Variants in CNST observed in about 807,000 individuals in gnomAD.
CNST encodes the protein consortin.
CNST carries 39 observed loss-of-function variants against 72.4 expected under a neutral mutation model. That is an observed-to-expected ratio of 0.54 (90% CI 0.42 to 0.70). CNST has a LOEUF of 0.70. Among genes scored for constraint, CNST ranks in the 30% least tolerant of loss-of-function variants. The probability of loss-of-function intolerance (pLI) is 0.00; values close to 1 mark genes in which losing one functional copy is unlikely to be tolerated. For missense variants in CNST, 871 were observed against 868.5 expected (o/e 1.00, Z -0.04); for synonymous variants, 332 against 320.1 (o/e 1.04, Z -0.40).
intron 3 of CNST, among the ~76,000 whole-genome samples, chr1:246,629,643 G>T (rs534003463): frequency 6.6e-6 from 1 of 152,288 alleles, no homozygotes; most frequent in East Asian, 1.9e-4. Context: ...ATTTTAATGG[G>T]CAACCTGAAA....
intron 2 of CNST, 129 bp from the exon 3 acceptor site, chr1:246,621,300 A>G (rs1664071834): frequency 1.4e-6 from 1 of 710,706 alleles, no homozygotes; most frequent in Admixed American, 2.1e-5. Context: ...TGATAAACAC[A>G]TTTACCTTCC....
chr1:246,616,880 TG>T (rs1311040541), intron 2 of CNST, among the ~76,000 whole-genome samples: 3 of 151,924 alleles, frequency 2.0e-5, no homozygotes, highest in Non-Finnish European at 4.4e-5. Context: ...AGCAAAACTT[TG>T]TAAGACTCAT....
At chr1:246,619,409 G>C (rs1326663358) in intron 2 of CNST, among the ~76,000 whole-genome samples, 1 of 152,214 alleles carries the variant, frequency 6.6e-6, no homozygotes, top group Non-Finnish European at 1.5e-5. Context: ...ATCACTGTAG[G>C]TGATTTTTTA....
chr1:246,608,238 A>G (rs1027200085), intron 2 of CNST: 3 of 152,196 alleles, frequency 2.0e-5, no homozygotes, highest in African/African-American at 4.8e-5. Context: ...CCATTGACTC[A>G]AGAGGCTGAG....
At chr1:246,610,586 T>A (rs1045091969) in intron 2 of CNST, among the ~76,000 whole-genome samples, 1 of 152,328 alleles carries the variant, frequency 6.6e-6, no homozygotes, top group African/African-American at 2.4e-5. Context: ...GTGGTAACTC[T>A]GGAAATTAGG....
chr1:246,583,029 CTG>C, intron 1 of CNST, among the ~76,000 whole-genome samples: 1 of 152,298 alleles, frequency 6.6e-6, no homozygotes, highest in South Asian at 2.1e-4. Context: ...TGGATTTCAT[CTG>C]TGTTTCTTGG....
chr1:246,602,380 T>A (rs1381589831), intron 2 of CNST, among the ~76,000 whole-genome samples: 1 of 152,184 alleles, frequency 6.6e-6, no homozygotes, highest in Non-Finnish European at 1.5e-5. Context: ...AGTCAAGGGT[T>A]GGCCAGGGCT....
At chr1:246,649,375 G>C (rs544877508) in intron 9 of CNST, among the ~76,000 whole-genome samples, 74 of 152,186 alleles carry the variant, frequency 4.9e-4, no homozygotes, top group African/African-American at 1.7e-3. Context: ...GTTAAAAATA[G>C]TTTTTTAAAA....
intron 2 of CNST, among the ~76,000 whole-genome samples, chr1:246,596,151 C>T (rs530402195): frequency 1.3e-5 from 2 of 152,188 alleles, no homozygotes; most frequent in East Asian, 3.9e-4. Context: ...TGCACTGGCT[C>T]ATGCCTATAA....
chr1:246,594,793 G>A (rs1180802125), intron 2 of CNST, among the ~76,000 whole-genome samples: 2 of 152,118 alleles, frequency 1.3e-5, no homozygotes, highest in Non-Finnish European at 2.9e-5. Context: ...ACAGAATGAG[G>A]AGTTATAAAA....
At chr1:246,604,506 G>A (rs1288098098) in intron 2 of CNST, among the ~76,000 whole-genome samples, 1 of 152,062 alleles carries the variant, frequency 6.6e-6, no homozygotes, top group Non-Finnish European at 1.5e-5. Flanking sequence ...ATTGCAAAGA[G>A]AATCTCTGAT....
chr1:246,634,956 C>CGTGTCTTCTGGCCGGGGTAG (rs1553381626), intron 6 of CNST, among the ~76,000 whole-genome samples: 48 of 115,980 alleles, frequency 4.1e-4, no homozygotes, highest in African/African-American at 1.3e-3. Flanking sequence ...CTCGGTGGTG[C>CGTGTCTTCTGGCCGGGGTAG]GTGTCTTCCG....
intron 8 of CNST, 97 bp from the exon 9 acceptor site, chr1:246,647,042 A>G: frequency 1.8e-6 from 2 of 1,104,458 alleles, no homozygotes; most frequent in Non-Finnish European, 2.6e-6. Context: ...AAGGGTTAGA[A>G]TATTGCTGTA....
intron 9 of CNST, among the ~76,000 whole-genome samples, chr1:246,658,614 C>T (rs532889858): frequency 8.5e-5 from 13 of 152,224 alleles, no homozygotes; most frequent in South Asian, 6.2e-4. Context: ...AGCGCATTAT[C>T]GAAGATGGCT....
At chr1:246,595,163 G>C (rs899244690) in intron 2 of CNST, among the ~76,000 whole-genome samples, 1 of 152,132 alleles carries the variant, frequency 6.6e-6, no homozygotes, top group African/African-American at 2.4e-5. Context: ...TTTGAGATGG[G>C]GGACCCTTAA....
chr1:246,588,066 A>G (rs897625490), intron 1 of CNST, among the ~76,000 whole-genome samples: 12 of 152,018 alleles, frequency 7.9e-5, no homozygotes, highest in Admixed American at 7.2e-4. Context: ...TGCCTACCTT[A>G]TAGCATAAAT....
chr1:246,614,512 ATTTTTTTT>A (rs147741779), intron 2 of CNST, among the ~76,000 whole-genome samples: 1 of 141,416 alleles, frequency 7.1e-6, no homozygotes, highest in Non-Finnish European at 1.6e-5. Flanking sequence ...ACTGCAATAA[ATTTTTTTT>A]TTTTTTTTTG....
chr1:246,610,311 C>T (rs1663224981), intron 2 of CNST, among the ~76,000 whole-genome samples: 1 of 152,066 alleles, frequency 6.6e-6, no homozygotes, highest in Non-Finnish European at 1.5e-5. Flanking sequence ...AAAACCTCCC[C>T]ATTCTTTTTT....
At chr1:246,638,110 G>A (rs1490794625) in intron 6 of CNST, among the ~76,000 whole-genome samples, 1 of 152,196 alleles carries the variant, frequency 6.6e-6, no homozygotes, top group Admixed American at 6.5e-5. Context: ...TGCAAGAGAG[G>A]TTTGTAGCCG....
Sources: allele counts gnomAD v4.1 joint callset (sites outside exome capture counted in the v4.1 genomes callset), GRCh38; gene constraint gnomAD v4.1.1; transcripts MANE v1.5; gene names NCBI Gene and HGNC (gene_info 2026-07-23, HGNC 2026-07-21).